Variants in STAMBPL1 observed in about 807,000 individuals in gnomAD.
STAMBPL1 encodes the protein STAM binding protein like 1.
A neutral mutation model predicts 52.9 loss-of-function variants in STAMBPL1; 44 were observed. The ratio of observed to expected loss-of-function variants is 0.83; its 90% CI spans 0.65 to 1.07. The LOEUF is 1.07. STAMBPL1 is among the 50% of genes least tolerant of loss of function. The pLI is 0.00. For synonymous variants in STAMBPL1, 164 were observed against 177.3 expected (o/e 0.92, Z 0.60); for missense variants, 511 against 520.8 (o/e 0.98, Z 0.18).
At chr10:88,915,810 G>T (rs942965655) in intron 7 of STAMBPL1, among the ~76,000 whole-genome samples, 2 of 152,154 alleles carry the variant, frequency 1.3e-5, no homozygotes, top group Non-Finnish European at 2.9e-5. Context: ...GTCAAGAAGG[G>T]TTTCCCTGAG....
At position 88,914,677 on chromosome 10, in the gene STAMBPL1, A is replaced by AATATAAATATATATATAT. The variant is rs143062007; in HGVS notation, c.903+24_903+25insAATATATATATATATATA. 4.4e-4 allele frequency: 376 copies of AATATAAATATATATATAT among 851,610 alleles called. 1 individual carries two copies. The highest frequency in any genetic ancestry group is 3.1e-3 in the African/African-American group (178 of 57,040). 52.8% of individuals were successfully genotyped at this position (851,610 alleles called of 1,614,324 possible). A position where few individuals can be genotyped will look rare whatever the true frequency, so the allele number is the denominator to read the frequency against. Reference sequence around the variant, plus strand: ...AAAACTGGTATGATCTTTTTATATAAATATATATATATATATATCTGCATA... The same window carrying AATATAAATATATATATAT: ...AAAACTGGTATGATCTTTTTATATAAATATAAATATATATATATATATATATATATATATATCTGCATA... On this transcript the variant is annotated intron_variant, in intron 7 of 10. Coordinates refer to ENST00000371926, the MANE Select transcript of STAMBPL1 (RefSeq NM_020799.4).
intron 1 of STAMBPL1, among the ~76,000 whole-genome samples, chr10:88,890,442 G>C (rs1266404895): frequency 1.3e-5 from 2 of 152,170 alleles, no homozygotes; most frequent in East Asian, 1.9e-4. Flanking sequence ...AAAAGGGTGG[G>C]GTGTACATTA....
At position 88,910,923 on chromosome 10, in the gene STAMBPL1, A is replaced by C. The variant is rs746102243; in HGVS notation, c.332A>C (p.Lys111Thr). 1.4e-4 allele frequency: 225 copies of C among 1,584,754 alleles called. No homozygotes were observed. The highest frequency in any genetic ancestry group is 1.8e-4 in the Non-Finnish European group (214 of 1,169,630). ...TATATATATTTTTAAAAGAAACTGA[A>C]GGAGATTGCATTCCCAAGGACAGAT... ...PEKQDIMKKL[K>T]EIAFPRTDEL... is the part of the protein sequence containing the mutation. The change falls in exon 5 of 11, where the codon AAG becomes ACG. Residue 111 changes from lysine to threonine, a missense_variant. Transcript: ENST00000371926.
At position 88,913,336 on chromosome 10, in the gene STAMBPL1, A is replaced by G; in HGVS notation, c.656A>G (p.Asn219Ser). 6.2e-7 allele frequency: 1 copy of G among 1,613,924 alleles called. No individual in the cohort carries two copies. Among genetic ancestry groups the G allele is most frequent in the East Asian group, 2.2e-5 (1 of 44,880 alleles). Residue 219 changes from asparagine (N) to serine (S), a missense_variant, in exon 6 of 11, where the codon AAC becomes AGC. Physicochemically the swap from Asn to Ser is conservative, Grantham distance 46 (BLOSUM62 1). Around this residue, in one of 3 missense-constraint regions of STAMBPL1, gnomAD observed 358 missense variants for 343.5 expected, o/e 1.04. Transcript: ENST00000371926. ...SALSCFSTHQNNSLLNVFADQ... is the reference protein window; with the variant it reads ...SALSCFSTHQSNSLLNVFADQ... ...TTGTCCTGCTTTTCCACACACCAGAACAATTCCTTGCTGAATGTATTTGCA... is the reference window on the plus strand; with the variant it reads ...TTGTCCTGCTTTTCCACACACCAGAGCAATTCCTTGCTGAATGTATTTGCA...
intron 9 of STAMBPL1, among the ~76,000 whole-genome samples, 170 bp from the exon 10 acceptor site, chr10:88,922,167 C>T (rs957555579): frequency 6.6e-6 from 1 of 151,920 alleles, no homozygotes; most frequent in African/African-American, 2.4e-5. Flanking sequence ...TCCTGGGTTT[C>T]TCTCCTCTGG....
chr10:88,906,699 C>T (rs1845083563), intron 3 of STAMBPL1, among the ~76,000 whole-genome samples: 1 of 152,152 alleles, frequency 6.6e-6, no homozygotes, highest in Non-Finnish European at 1.5e-5. Flanking sequence ...ACCTCCCTGG[C>T]TCAAGTGATC....
At chr10:88,913,073 C>T in intron 5 of STAMBPL1, 28 bp from the exon 6 acceptor site, 1 of 1,533,040 alleles carries the variant, frequency 6.5e-7, no homozygotes, top group Non-Finnish European at 8.8e-7. Context: ...GGAAACTAAC[C>T]TTCTCTTCTG....
intron 10 of STAMBPL1, 46 bp from the exon 11 acceptor site, chr10:88,923,119 CATT>C (rs777592738): frequency 1.5e-6 from 2 of 1,327,700 alleles, no homozygotes; most frequent in Non-Finnish European, 2.1e-6. Context: ...ATATGGTAAA[CATT>C]ATGGTGAAAT....
At position 88,913,228 on chromosome 10, in the gene STAMBPL1, A is replaced by T. The variant is rs143813797; in HGVS notation, c.548A>T (p.Gln183Leu). The T allele has an allele frequency of 8.1e-6, 13 of 1,613,798 alleles. No homozygotes were observed. Among genetic ancestry groups the T allele is most frequent in the Non-Finnish European group, 1.1e-5 (13 of 1,179,868 alleles). ...GAGCAGTTTCTGTTTTTCGAAGATC[A>T]ACTCAAGAAGCAAGAGTTAGCCCGA... Reference protein sequence around the residue: ...ESEQFLFFEDQLKKQELARGQ... With the variant: ...ESEQFLFFEDLLKKQELARGQ... Residue 183 changes from glutamine to leucine, a missense_variant, in exon 6 of 11, where the codon CAA (glutamine) becomes CTA (leucine). Transcript: ENST00000371926.
rs1245007537 is a variant in STAMBPL1 at position 88,922,415 on chromosome 10, C to T, written c.1233C>T (p.Thr411=). 4 of 1,612,366 alleles carry T rather than the reference C, an allele frequency of 2.5e-6. No homozygotes were observed. Among genetic ancestry groups the T allele is most frequent in the Non-Finnish European group, 3.4e-6 (4 of 1,178,910 alleles). ...AAAAAAAGGGCTTTCATCCACACAC[C>T]AAGGAGCCCAGGCTGTTCAGTGTGA... ...ACKKKGFHPH[T]KEPRLFSICK... Residue 411 remains threonine, a synonymous_variant, in exon 10 of 11, where the codon ACC becomes ACT. Transcript: ENST00000371926.
chr10:88,922,885 T>C (rs1278683374), intron 10 of STAMBPL1, among the ~76,000 whole-genome samples: 1 of 151,990 alleles, frequency 6.6e-6, no homozygotes, highest in Non-Finnish European at 1.5e-5. Flanking sequence ...GACTACGCCT[T>C]TTTTTTTCCT....
intron 2 of STAMBPL1, 44 bp downstream of exon 2, chr10:88,901,782 A>C (rs1430335554): frequency 1.3e-6 from 2 of 1,583,960 alleles, no homozygotes; most frequent in Non-Finnish European, 8.6e-7. Flanking sequence ...TGGAAAGCCC[A>C]AAAAGAAGAA....
At chr10:88,919,602 A>G (rs549050751) in intron 8 of STAMBPL1, among the ~76,000 whole-genome samples, 84 of 152,276 alleles carry the variant, frequency 5.5e-4, no homozygotes, top group African/African-American at 1.8e-3. Context: ...GAAGACATAG[A>G]CGGCTCTATT....
At chr10:88,899,265 T>A (rs1844885867) in intron 1 of STAMBPL1, among the ~76,000 whole-genome samples, 1 of 152,194 alleles carries the variant, frequency 6.6e-6, no homozygotes, top group Admixed American at 6.5e-5. Flanking sequence ...CAAAGTATTG[T>A]TTGGAAACCT....
chr10:88,901,807 T>G (rs574823553), intron 2 of STAMBPL1, 69 bp downstream of exon 2: 2 of 1,461,968 alleles, frequency 1.4e-6, no homozygotes, highest in Non-Finnish European at 1.9e-6. Context: ...AACATACAAA[T>G]GTGAAATGAG....
chr10:88,917,378 G>C (rs1845398310), intron 8 of STAMBPL1, among the ~76,000 whole-genome samples: 1 of 152,158 alleles, frequency 6.6e-6, no homozygotes, highest in African/African-American at 2.4e-5. Flanking sequence ...TAAGGCAAGA[G>C]GATAGGGCCC....
In STAMBPL1 at chr10:88,913,418, C is replaced by T. The variant is rs1845280531; in HGVS notation, c.738C>T (p.Asn246=). 1 of 1,613,418 alleles carries T rather than the reference C, an allele frequency of 6.2e-7. No individual in the cohort carries two copies. The highest frequency in any genetic ancestry group is 8.5e-7 in the Non-Finnish European group (1 of 1,179,676). Residue 246 remains asparagine, a synonymous_variant, in exon 6 of 11, where the codon AAC becomes AAT. Coordinates refer to ENST00000371926, the MANE Select transcript of STAMBPL1 (RefSeq NM_020799.4). ...TNYASHSPPV[N]RALTPAATLS... ...ATGCTAGCCACTCTCCTCCTGTAAA[C>T]AGGGCCTTAACGCCAGCTGCTACTC...
At chr10:88,891,117 A>ATTCT (rs1405196400) in intron 1 of STAMBPL1, among the ~76,000 whole-genome samples, 1 of 152,218 alleles carries the variant, frequency 6.6e-6, no homozygotes, top group East Asian at 1.9e-4. Context: ...AAAGGACCAT[A>ATTCT]TTCTTCTTTC....
chr10:88,919,897 G>A (rs888764111), intron 8 of STAMBPL1, among the ~76,000 whole-genome samples: 1 of 151,506 alleles, frequency 6.6e-6, no homozygotes, highest in Non-Finnish European at 1.5e-5. Flanking sequence ...GTGCAGTAGA[G>A]TGATCACAGC....
Sources: allele counts gnomAD v4.1 joint callset (sites outside exome capture counted in the v4.1 genomes callset), GRCh38; gene constraint gnomAD v4.1.1; regional missense constraint gnomAD v4.1.1; transcripts MANE v1.5; gene names NCBI Gene and HGNC (gene_info 2026-07-23, HGNC 2026-07-21).